The following NBPF3 variants were observed in gnomAD, a reference collection of about 807,000 sequenced individuals.
NBPF3 encodes NBPF member 3, also known as NBPF family member NBPF3.
NBPF3 carries 57 observed loss-of-function variants against 78.1 expected under a neutral mutation model. The ratio of observed to expected loss-of-function variants is 0.73; its 90% confidence interval spans 0.59 to 0.91. NBPF3 has a LOEUF of 0.91. Among genes scored for constraint, NBPF3 ranks in the 40% least tolerant of loss-of-function variants. NBPF3 has a pLI of 0.00. For synonymous variants in NBPF3, 182 were observed against 271.7 expected, an observed-to-expected ratio of 0.67 and a Z score of 3.25; for missense variants, 510 against 715.3, an observed-to-expected ratio of 0.71 and a Z score of 3.27.
At chr1:21,479,848 G>GTGTGTGTGTGTGTGTGTGTATGTGTA (rs746655034) in intron 10 of NBPF3, among the ~76,000 whole-genome samples, 24 of 121,886 alleles carry the variant, frequency 2.0e-4, no homozygotes, top group South Asian at 1.2e-3. Flanking sequence ...GTGTGTGTGT[G>GTGTGTGTGTGTGTGTGTGTATGTGTA]TGTGTATGTG....
rs371854391 is a variant in NBPF3, at chr1:21,478,210, C to T, written c.1059C>T (p.Leu353=). The part of the protein sequence containing the change: ...QESWDEGDWT[L]SIPPDMSASY... ...CCTGGGATGAAGGTGATTGGACTCT[C>T]TCAATTCCTCCTGACATGTCTGCCT... The change falls in exon 9 of 15, where the codon CTC becomes CTT. Residue 353 remains leucine, a synonymous_variant. Coordinates refer to ENST00000318249, the MANE Select transcript of NBPF3 (RefSeq NM_032264.6). The T allele has an allele frequency of 9.9e-6, 16 of 1,614,204 alleles. No homozygotes were observed. In the South Asian group the frequency reaches 1.8e-4, roughly 18 times the overall value.
intron 1 of NBPF3, among the ~76,000 whole-genome samples, chr1:21,444,396 GC>G (rs1207665484): frequency 1.3e-5 from 2 of 152,220 alleles, no homozygotes; most frequent in Non-Finnish European, 2.9e-5. Context: ...AGATAGACCA[GC>G]TAGACCAGTA....
chr1:21,453,680 A>C (rs1183755479), intron 2 of NBPF3: 1 of 152,194 alleles, frequency 6.6e-6, no homozygotes, highest in African/African-American at 2.4e-5. Context: ...CTGGGAATGT[A>C]ATGGATGGGA....
At position 21,467,150 on chromosome 1, in the gene NBPF3, C is replaced by T. The variant is rs1160674932; in HGVS notation, c.134-1538C>T. ...GCCAGAAAATACATTTACTTAAAGC[C>T]GTTGATACGTCTTAAAGCGGTTTCC... On this transcript the variant is annotated intron_variant, in intron 2 of 14. Transcript: ENST00000318249. 16 of 985,048 alleles carry T rather than the reference C, an allele frequency of 1.6e-5. No homozygotes were observed. In the South Asian group the frequency reaches 3.3e-4, roughly 20 times the overall value. 61.0% of individuals were successfully genotyped at this position (985,048 alleles called of 1,614,324 possible).
chr1:21,471,936 G>GT (rs1642622987), intron 5 of NBPF3, among the ~76,000 whole-genome samples, 153 bp downstream of exon 5: 1 of 152,214 alleles, frequency 6.6e-6, no homozygotes, highest in Non-Finnish European at 1.5e-5. Context: ...GACTTCCTGG[G>GT]TAAGAACAGA....
intron 4 of NBPF3, 148 bp from the exon 5 acceptor site, chr1:21,471,421 T>C: frequency 7.5e-7 from 1 of 1,339,630 alleles, no homozygotes; most frequent in Non-Finnish European, 1.0e-6. Context: ...ATTCTTTCTC[T>C]TGGGCACAGA....
At chr1:21,475,332 C>G (rs1642835444) in intron 8 of NBPF3, among the ~76,000 whole-genome samples, 1 of 152,210 alleles carries the variant, frequency 6.6e-6, no homozygotes, top group African/African-American at 2.4e-5. Context: ...TCTTGCTTCT[C>G]TAGTTCTTTT....
intron 2 of NBPF3, chr1:21,451,900 A>G (rs1558480003): frequency 1.0e-5 from 10 of 970,318 alleles, no homozygotes; most frequent in Admixed American, 5.4e-5. Flanking sequence ...ATGTGAGCCT[A>G]TGGATCAAGG....
intron 2 of NBPF3, among the ~76,000 whole-genome samples, chr1:21,462,234 A>G (rs1641990691): frequency 6.6e-6 from 1 of 152,198 alleles, no homozygotes; most frequent in Non-Finnish European, 1.5e-5. Flanking sequence ...CCAGCAACAC[A>G]AAGGGGCTAA....
At chr1:21,441,728 AAT>A (rs1558470521) in intron 1 of NBPF3, among the ~76,000 whole-genome samples, 22 of 140,450 alleles carry the variant, frequency 1.6e-4, no homozygotes, top group Non-Finnish European at 2.8e-4. Context: ...AAAAAAAAGT[AAT>A]GAATTTTGAC....
chr1:21,454,034 A>G (rs1293263244), intron 2 of NBPF3: 3 of 152,230 alleles, frequency 2.0e-5, no homozygotes, highest in East Asian at 3.9e-4. Context: ...AAAATGCACT[A>G]CTTGCATCTC....
Position 21,460,093 on chromosome 1 carries a change from C to CT in NBPF3, c.134-8594dup. On this transcript the variant is annotated intron_variant, in intron 2 of 14. Transcript: ENST00000318249. The surrounding 1 kb of genome is among the most constrained non-coding windows in gnomAD (Gnocchi z 4.2). ...AGGCGTCCACCTGGCCGTTGCGCGG[C>CT]TGCGGGGGCTCCTCTGGTCGCTGCT... 2.4e-5 allele frequency: 1 copy of CT among 41,742 alleles called. No individual in the cohort carries two copies. The highest frequency in any genetic ancestry group is 6.7e-5 in the Non-Finnish European group (1 of 14,870). 2.6% of individuals were successfully genotyped at this position (41,742 alleles called of 1,614,324 possible).
rs1642894172 is a variant in NBPF3 at position 21,476,468 on chromosome 1, C to T, written c.992+1517C>T. 8.5e-5 allele frequency among the ~76,000 whole-genome samples: 13 copies of T among 152,262 alleles called. No homozygotes were observed. The South Asian group carries it at 2.7e-3, about 32-fold the overall frequency. ...CCTTCAGGAGCTCTTGCAAGGCAGG[C>T]CTGGTGGTGACAAAACCTCTCAGCA... On this transcript the variant is annotated intron_variant, in intron 8 of 14. Transcript: ENST00000318249. This position sits in a 1 kb window ranked among gnomAD's most constrained non-coding sequence, Gnocchi z 4.1.
chr1:21,445,834 T>C (rs1243089030), intron 2 of NBPF3, among the ~76,000 whole-genome samples: 2 of 152,186 alleles, frequency 1.3e-5, no homozygotes, highest in African/African-American at 4.8e-5. Context: ...ATTCTTGGTT[T>C]CCCAGGACCT....
At chr1:21,455,571 A>G (rs1483685588) in intron 2 of NBPF3, among the ~76,000 whole-genome samples, 1 of 152,224 alleles carries the variant, frequency 6.6e-6, no homozygotes, top group African/African-American at 2.4e-5. Context: ...ATGATTTCCT[A>G]GTTCTTTGGG....
chr1:21,472,898 G>T lies in NBPF3; in HGVS notation c.717G>T (p.Gln239His). ...DVKVEEAEKV[Q>H]ELYAPREVQK... ...AAGTTGAGGAGGCTGAGAAAGTACA[G>T]GAATTATATGCCCCCAGGTAACGCT... is the stretch of plus-strand genomic sequence containing the variant. Residue 239 changes from glutamine to histidine, a missense_variant, in exon 6 of 15, where the codon CAG (glutamine) becomes CAT (histidine). Around this residue, in one of 5 missense-constraint regions of NBPF3, gnomAD observed 440 missense variants for 478.2 expected, o/e 0.92. Transcript: ENST00000318249. The T allele has an allele frequency of 6.2e-7, 1 of 1,611,718 alleles. No homozygotes were observed. The highest frequency in any genetic ancestry group is 8.5e-7 in the Non-Finnish European group (1 of 1,177,786).
intron 7 of NBPF3, among the ~76,000 whole-genome samples, chr1:21,473,841 C>G (rs1017644565): frequency 6.6e-6 from 1 of 152,248 alleles, no homozygotes; most frequent in African/African-American, 2.4e-5. Flanking sequence ...CAGGAAGTAT[C>G]TGTGAGGCCT....
chr1:21,465,004 C>CAAAAAAAAAAAA (rs10531760), intron 2 of NBPF3, among the ~76,000 whole-genome samples: 1 of 99,278 alleles, frequency 1.0e-5, no homozygotes, highest in Admixed American at 1.0e-4. Context: ...GACCCTGTCT[C>CAAAAAAAAAAAA]AAAAAAAAAA....
At chr1:21,446,617 CTT>C (rs2147903488) in intron 2 of NBPF3, 1 of 133,402 alleles carries the variant, frequency 7.5e-6, no homozygotes, top group Admixed American at 8.6e-5. Context: ...TCTTCTTTTC[CTT>C]TCTCTCTCAT....
Sources: allele counts gnomAD v4.1 joint callset (sites outside exome capture counted in the v4.1 genomes callset), GRCh38; gene constraint gnomAD v4.1.1; regional missense constraint gnomAD v4.1.1; non-coding constraint Gnocchi (gnomAD v3.1); transcripts MANE v1.5; gene names NCBI Gene and HGNC (gene_info 2026-07-23, HGNC 2026-07-21).